UBE3A: variants seen among roughly 807,000 people sequenced by gnomAD.
UBE3A encodes ubiquitin protein ligase E3A, also known as ubiquitin-protein ligase E3A.
Under a neutral mutation model 83.4 loss-of-function variants are expected in UBE3A, and 6 were observed. The observed-to-expected ratio is 0.07, with a 90% CI of 0.04 to 0.14. The LOEUF is 0.14. Among genes scored for constraint, UBE3A ranks in the 10% least tolerant of loss-of-function variants. The pLI is 1.00. For synonymous variants in UBE3A, 337 were observed against 355.4 expected (o/e 0.95, Z 0.58); for missense variants, 456 against 1,036.1 (o/e 0.44, Z 7.69).
intron 1 of UBE3A, among the ~76,000 whole-genome samples, chr15:25,435,649 G>A (rs1224007100): frequency 6.6e-6 from 1 of 152,090 alleles, no homozygotes; most frequent in Non-Finnish European, 1.5e-5. Flanking sequence ...TCACTAAGAT[G>A]TCAAATTTGT....
intron 4 of UBE3A, among the ~76,000 whole-genome samples, chr15:25,377,506 T>TA (rs1339923978): frequency 6.6e-6 from 1 of 152,100 alleles, no homozygotes; most frequent in Non-Finnish European, 1.5e-5. Context: ...TGAAAACATG[T>TA]AAAAATAAAA....
chr15:25,340,050 G>T lies in UBE3A; in HGVS notation c.2498+35C>A, dbSNP rs367639797. On this transcript the variant is annotated intron_variant, in intron 12 of 12. Coordinates refer to ENST00000648336, the MANE Select transcript of UBE3A (RefSeq NM_130839.5). ...ATGTGACGAGGAATGCAAGGTTTTCGGTAGGTATACAGTCACAAGTTAATA... is the reference window on the plus strand; with the variant it reads ...ATGTGACGAGGAATGCAAGGTTTTCTGTAGGTATACAGTCACAAGTTAATA... 2.5e-6 allele frequency: 4 copies of T among 1,613,334 alleles called. No individual in the cohort carries two copies. In the African/African-American group the frequency reaches 5.3e-5, roughly 22 times the overall value.
At chr15:25,400,745 C>T (rs578189723) in intron 4 of UBE3A, among the ~76,000 whole-genome samples, 1 of 152,314 alleles carries the variant, frequency 6.6e-6, no homozygotes, top group East Asian at 1.9e-4. Context: ...ATCATGTCAT[C>T]TTCAAACAGG....
intron 6 of UBE3A, among the ~76,000 whole-genome samples, chr15:25,363,778 T>C (rs1481195550): frequency 6.6e-6 from 1 of 152,142 alleles, no homozygotes. Context: ...AATATAAATA[T>C]GTAAAAAGAA....
intron 1 of UBE3A, among the ~76,000 whole-genome samples, chr15:25,437,409 G>A (rs1425991509): frequency 2.6e-5 from 4 of 152,090 alleles, no homozygotes; most frequent in Non-Finnish European, 5.9e-5. Flanking sequence ...GTCTCTGACA[G>A]GTAACTTTCA....
intron 11 of UBE3A, among the ~76,000 whole-genome samples, chr15:25,348,943 G>A (rs114305837): frequency 0.025 from 3,824 of 152,294 alleles, 167 homozygotes; most frequent in African/African-American, 0.088. Context: ...TTGCCCTTTT[G>A]TTTGTAAAAA....
intron 1 of UBE3A, among the ~76,000 whole-genome samples, chr15:25,415,154 T>TAAA (rs1263497820): frequency 1.3e-5 from 2 of 152,158 alleles, no homozygotes; most frequent in Non-Finnish European, 1.5e-5. Flanking sequence ...TCCTCAAACT[T>TAAA]ACCAACACTG....
chr15:25,380,147 C>T (rs2081935158), intron 4 of UBE3A, among the ~76,000 whole-genome samples: 1 of 152,106 alleles, frequency 6.6e-6, no homozygotes, highest in African/African-American at 2.4e-5. Flanking sequence ...TTCTCATTTT[C>T]TCTTGTCACT....
chr15:25,359,244 T>C (rs1055809653), intron 7 of UBE3A, among the ~76,000 whole-genome samples: 11 of 152,200 alleles, frequency 7.2e-5, no homozygotes, highest in Non-Finnish European at 7.4e-5. Context: ...TCTAGATACA[T>C]CAAAAGCTAG....
rs546914769 is a variant in UBE3A at position 25,371,763 on chromosome 15, A to G, written c.411T>C (p.Cys137=). The G allele has an allele frequency of 1.2e-6, 2 of 1,613,246 alleles. No homozygotes were observed. Among genetic ancestry groups the G allele is most frequent in the East Asian group, 2.2e-5 (1 of 44,862 alleles). Residue 137 remains cysteine (C), a synonymous_variant, in exon 6 of 13, where the codon TGT becomes TGC. Transcript: ENST00000648336. The surrounding 1 kb of genome is among the most constrained non-coding windows in gnomAD (Gnocchi z 5.3). ...EEKVYEILEL[C]REREDYSPLI... is the part of the protein sequence containing the mutation. ...AAGGGGAATAATCCTCTCTTTCTCT[A>G]CATAATTCAAGAATTTCATATACCT...
At chr15:25,355,766 A>T in intron 9 of UBE3A, 126 bp downstream of exon 9, 1 of 972,958 alleles carries the variant, frequency 1.0e-6, no homozygotes, top group Non-Finnish European at 1.5e-6. Context: ...TCTAGCATTT[A>T]CATAAACTTA....
At chr15:25,398,197 A>G (rs1279708508) in intron 4 of UBE3A, among the ~76,000 whole-genome samples, 3 of 151,442 alleles carry the variant, frequency 2.0e-5, no homozygotes, top group Non-Finnish European at 2.9e-5. Flanking sequence ...AAAAACACAA[A>G]AAACAAAAAA....
chr15:25,420,083 T>C (rs1380425244), intron 1 of UBE3A, among the ~76,000 whole-genome samples: 2 of 152,052 alleles, frequency 1.3e-5, no homozygotes, highest in Non-Finnish European at 2.9e-5. Flanking sequence ...AAAAAGTCAA[T>C]CTGAAAGCAA....
At chr15:25,346,380 T>C (rs1398082735) in intron 11 of UBE3A, 2 of 152,258 alleles carry the variant, frequency 1.3e-5, no homozygotes, top group Non-Finnish European at 2.9e-5. Context: ...CTCACAAATA[T>C]ATGCTAGTAC....
chr15:25,376,585 T>C (rs2081259403), intron 4 of UBE3A, among the ~76,000 whole-genome samples: 1 of 152,050 alleles, frequency 6.6e-6, no homozygotes. Context: ...AAGGCTGCCA[T>C]AAGCTGAAAT....
intron 1 of UBE3A, among the ~76,000 whole-genome samples, chr15:25,426,156 C>A: frequency 6.6e-6 from 1 of 152,150 alleles, no homozygotes; most frequent in South Asian, 2.1e-4. Context: ...TGTTTTATTA[C>A]ATGACTTACC....
chr15:25,398,167 C>CAAAAAAA (rs71127052), intron 4 of UBE3A, among the ~76,000 whole-genome samples: 32 of 99,156 alleles, frequency 3.2e-4, no homozygotes, highest in African/African-American at 1.6e-3. Context: ...GACTCTGTCT[C>CAAAAAAA]AAAAAAAAAA....
Position 25,334,764 on chromosome 15 carries a change from C to T in UBE3A, c.*4373G>A, listed in dbSNP as rs2073880377. The T allele has an allele frequency of 6.6e-6, 1 of 152,178 alleles. No individual in the cohort carries two copies. Among genetic ancestry groups the T allele is most frequent in the South Asian group, 2.1e-4 (1 of 4,832 alleles). The allele number at this position is 152,178 out of a possible 1,614,324, so 9.4% of individuals were successfully genotyped here. A position where few individuals can be genotyped will look rare whatever the true frequency, so the allele number is the denominator to read the frequency against. Reference sequence around the variant, plus strand: ...AGTCTTATATTTATGGTCAACTGTTCTTTGACAAGGGTACCAGGACCATTC... The same window carrying T: ...AGTCTTATATTTATGGTCAACTGTTTTTTGACAAGGGTACCAGGACCATTC... On this transcript the variant is annotated 3_prime_UTR_variant, in exon 13 of 13. Transcript: ENST00000648336.
At chr15:25,412,850 A>G (rs928221055) in intron 1 of UBE3A, among the ~76,000 whole-genome samples, 1 of 152,214 alleles carries the variant, frequency 6.6e-6, no homozygotes, top group Non-Finnish European at 1.5e-5. Context: ...TCAGTCTATA[A>G]TAGAATTACC....
Sources: gnomAD v4.1 joint callset for allele counts (sites outside exome capture counted in the v4.1 genomes callset) on GRCh38, gnomAD v4.1.1 for gene constraint, Gnocchi (gnomAD v3.1) non-coding constraint, MANE v1.5 for transcripts, NCBI Gene and HGNC (gene_info 2026-07-23, HGNC 2026-07-21) for gene names.